The following POLQ variants were observed in gnomAD, a reference collection of about 807,000 sequenced individuals.
POLQ encodes the protein epididymis secretory sperm binding protein.
In POLQ, 233 loss-of-function variants were observed where a neutral mutation model predicts 259.2. That is an observed-to-expected ratio of 0.90 (90% CI 0.81 to 1.00). The LOEUF is 1.00. Among genes scored for constraint, POLQ ranks in the 50% least tolerant of loss-of-function variants. The pLI, the probability that POLQ is intolerant of heterozygous loss-of-function variation, is 0.00. For missense variants in POLQ, 2,871 were observed against 3,051.6 expected (o/e 0.94, Z 1.39); for synonymous variants, 1,025 against 1,048.8 (o/e 0.98, Z 0.44).
Position 121,520,017 on chromosome 3 carries a change from G to T in POLQ, c.1322C>A (p.Ala441Glu), listed in dbSNP as rs748083789. ...CCCAGAAGAAAGAGTAGAAGTTGCC[G>T]CCAAGACCCGAATGAGACCTTGACG... The part of the protein sequence containing the change: ...AFRQGLIRVL[A>E]ATSTLSSGVN... The change falls in exon 9 of 30, where the codon GCG becomes GAG. Residue 441 changes from alanine (A) to glutamate (E), a missense_variant. Around this residue, in one of 3 missense-constraint regions of POLQ, gnomAD observed 783 missense variants for 906.2 expected, o/e 0.86. Coordinates refer to ENST00000264233, the MANE Select transcript of POLQ (RefSeq NM_199420.4). The T allele has an allele frequency of 1.2e-6, 2 of 1,613,106 alleles. No individual in the cohort carries two copies. Among genetic ancestry groups the T allele is most frequent in the Admixed American group, 1.7e-5 (1 of 60,008 alleles).
At chr3:121,495,348 C>A (rs2048110004) in intron 14 of POLQ, among the ~76,000 whole-genome samples, 1 of 151,910 alleles carries the variant, frequency 6.6e-6, no homozygotes, top group Non-Finnish European at 1.5e-5. Flanking sequence ...GCTGAGAGAA[C>A]TAGAAAGAGT....
chr3:121,530,474 CTAAA>C (rs1694967801), intron 6 of POLQ, among the ~76,000 whole-genome samples: 2 of 151,918 alleles, frequency 1.3e-5, no homozygotes, highest in Admixed American at 6.6e-5. Flanking sequence ...AGCATGTGTA[CTAAA>C]TAAATAAATA....
chr3:121,507,912 G>A (rs917115846), intron 12 of POLQ, among the ~76,000 whole-genome samples: 11 of 151,842 alleles, frequency 7.2e-5, no homozygotes, highest in African/African-American at 2.4e-4. Context: ...GGAGCATGGT[G>A]GCACGATCAT....
At chr3:121,494,549 G>C in intron 14 of POLQ, 2 of 1,582,868 alleles carry the variant, frequency 1.3e-6, no homozygotes, top group Non-Finnish European at 8.6e-7. Flanking sequence ...CACCTTGGTG[G>C]AGAACAAGAA....
intron 15 of POLQ, among the ~76,000 whole-genome samples, chr3:121,491,945 T>G (rs1219389093): frequency 6.6e-6 from 1 of 152,216 alleles, no homozygotes; most frequent in South Asian, 2.1e-4. Context: ...GAATTGTACA[T>G]GCAAGGAATC....
In POLQ at chr3:121,436,114, G is replaced by C. The variant is rs1413664535; in HGVS notation, c.7543+8C>G. ...ATGTTACAGCACAGGCCTCATCTAT[G>C]AACAAACCTGTTTGGTCACTTTGGA... On this transcript the variant is annotated splice_region_variant and intron_variant, in intron 28 of 29. Coordinates refer to ENST00000264233, the MANE Select transcript of POLQ (RefSeq NM_199420.4). The C allele has an allele frequency of 6.2e-7, 1 of 1,610,146 alleles. No individual in the cohort carries two copies. The highest frequency in any genetic ancestry group is 8.5e-7 in the Non-Finnish European group (1 of 1,176,510).
chr3:121,489,714 A>T lies in POLQ; in HGVS notation c.3217T>A (p.Ser1073Thr). 1 of 1,613,010 alleles carries T rather than the reference A, an allele frequency of 6.2e-7. No homozygotes were observed. Among genetic ancestry groups the T allele is most frequent in the Non-Finnish European group, 8.5e-7 (1 of 1,179,674 alleles). ...GGGTCTTCACAAAGACTAGGATTAGACAGAGTCTGTCCTTGTAAATGGATT... is the reference window on the plus strand; with the variant it reads ...GGGTCTTCACAAAGACTAGGATTAGTCAGAGTCTGTCCTTGTAAATGGATT... The part of the protein sequence containing the change: ...CRIHLQGQTL[S>T]NPSLCEDPFT... Residue 1073 changes from serine to threonine, a missense_variant, in exon 16 of 30, where the codon TCT (serine) becomes ACT (threonine). Ser to Thr is a moderately conservative substitution (Grantham distance 58). Around this residue, in one of 3 missense-constraint regions of POLQ, gnomAD observed 2,080 missense variants for 2,126.0 expected, o/e 0.98. Transcript: ENST00000264233.
intron 5 of POLQ, among the ~76,000 whole-genome samples, chr3:121,535,352 A>T (rs2048442520): frequency 6.6e-6 from 1 of 152,220 alleles, no homozygotes; most frequent in South Asian, 2.1e-4. Flanking sequence ...AGCAATGAGA[A>T]AATGAAGTAA....
chr3:121,459,807 C>T (rs1371031693), intron 25 of POLQ, among the ~76,000 whole-genome samples: 1 of 152,104 alleles, frequency 6.6e-6, no homozygotes, highest in African/African-American at 2.4e-5. Context: ...CATATAATGG[C>T]TTTAAATGCA....
rs767091013 is a variant in POLQ, at chr3:121,510,130, C to T, written c.1725G>A (p.Glu575=). The T allele has an allele frequency of 8.7e-6, 14 of 1,613,942 alleles. No homozygotes were observed. Among genetic ancestry groups the T allele is most frequent in the Admixed American group, 5.0e-5 (3 of 60,002 alleles). Residue 575 remains glutamate, a synonymous_variant, in exon 11 of 30, where the codon GAG becomes GAA. Coordinates refer to ENST00000264233, the MANE Select transcript of POLQ (RefSeq NM_199420.4). ...CCTCAATCGCTCCAAGCTGAACAGA[C>T]TCTTGATTTCTCTGAATTCCTTGCT... ...EGKQGIQRNQ[E]SVQLGAIEAC... is the part of the protein sequence containing the mutation.
chr3:121,440,297 A>C (rs191134674), intron 26 of POLQ, among the ~76,000 whole-genome samples, 181 bp from the exon 27 acceptor site: 3 of 152,322 alleles, frequency 2.0e-5, no homozygotes, highest in Non-Finnish European at 4.4e-5. Context: ...GTTAGAAATA[A>C]AAGAGACTTT....
At chr3:121,511,226 C>CAAAAAA (rs34066876) in intron 10 of POLQ, among the ~76,000 whole-genome samples, 1 of 74,934 alleles carries the variant, frequency 1.3e-5, no homozygotes. Context: ...ACTCCGTCTC[C>CAAAAAA]AAAAAAAAAA....
intron 9 of POLQ, among the ~76,000 whole-genome samples, chr3:121,513,419 T>C (rs1053013274): frequency 1.3e-5 from 2 of 150,828 alleles, no homozygotes; most frequent in African/African-American, 2.4e-5. Flanking sequence ...CTGGCCAACA[T>C]GGTGAAACCC....
chr3:121,458,375 T>TA (rs1374041521), intron 25 of POLQ, among the ~76,000 whole-genome samples: 1 of 151,680 alleles, frequency 6.6e-6, no homozygotes, highest in African/African-American at 2.4e-5. Flanking sequence ...CCCTAAAACT[T>TA]AAAGTATAAT....
intron 27 of POLQ, among the ~76,000 whole-genome samples, chr3:121,438,869 A>G (rs2047565357): frequency 6.6e-6 from 1 of 152,198 alleles, no homozygotes; most frequent in East Asian, 1.9e-4. Flanking sequence ...GAGGCTAGAG[A>G]GTAAAGCAGT....
Position 121,490,398 on chromosome 3 carries a change from C to T in POLQ, c.2533G>A (p.Ala845Thr), listed in dbSNP as rs199542656. The change falls in exon 16 of 30, where the codon GCA becomes ACA. Residue 845 changes from alanine to threonine, a missense_variant. Around this residue, in one of 3 missense-constraint regions of POLQ, gnomAD observed 2,080 missense variants for 2,126.0 expected, o/e 0.98. Coordinates refer to ENST00000264233, the MANE Select transcript of POLQ (RefSeq NM_199420.4). The stretch of plus-strand genomic sequence containing the variant: ...ACTGCTTCCTCTTCCTCATCCACTG[C>T]CTTCCGGGCACTACACAAGGAGATG... ...NAVPFKSARK[A>T]VDEEEEAVEE... 7.1e-5 allele frequency: 114 copies of T among 1,613,808 alleles called. No homozygotes were observed. The East Asian group carries it at 7.1e-4, about 10-fold the overall frequency.
At chr3:121,514,717 C>T (rs1266051492) in intron 9 of POLQ, among the ~76,000 whole-genome samples, 2 of 152,110 alleles carry the variant, frequency 1.3e-5, no homozygotes, top group Non-Finnish European at 2.9e-5. Flanking sequence ...CGGCAACCAG[C>T]ATGCAGATCT....
At chr3:121,435,078 C>T (rs1326956412) in intron 28 of POLQ, among the ~76,000 whole-genome samples, 1 of 152,134 alleles carries the variant, frequency 6.6e-6, no homozygotes, top group Non-Finnish European at 1.5e-5. Flanking sequence ...GCAGGAAAAT[C>T]CCTTGAACCC....
intron 25 of POLQ, among the ~76,000 whole-genome samples, chr3:121,459,539 G>A (rs1031955732): frequency 1.3e-5 from 2 of 151,800 alleles, no homozygotes; most frequent in African/African-American, 2.4e-5. Context: ...CCACCACCAC[G>A]GCCAGCTAAG....
Sources: gnomAD v4.1 joint callset for allele counts (sites outside exome capture counted in the v4.1 genomes callset) on GRCh38, gnomAD v4.1.1 for gene constraint, gnomAD v4.1.1 regional missense constraint, MANE v1.5 for transcripts, NCBI Gene and HGNC (gene_info 2026-07-23, HGNC 2026-07-21) for gene names.